The following PLOD2 variants were observed in gnomAD, a reference collection of about 807,000 sequenced individuals.
PLOD2 encodes the protein procollagen-lysine,2-oxoglutarate 5-dioxygenase 2.
Under a neutral mutation model 101.0 loss-of-function variants are expected in PLOD2, and 65 were observed. The ratio of observed to expected loss-of-function variants is 0.64; its 90% confidence interval spans 0.53 to 0.79. The LOEUF is 0.79. PLOD2 is among the 30% of genes least tolerant of loss of function. PLOD2 has a pLI of 0.00. For missense variants in PLOD2, 909 were observed against 914.6 expected (o/e 0.99, Z 0.08); for synonymous variants, 314 against 302.9 (o/e 1.04, Z -0.38).
chr3:146,135,304 G>A (rs2031168222), intron 1 of PLOD2, among the ~76,000 whole-genome samples: 1 of 152,118 alleles, frequency 6.6e-6, no homozygotes, highest in South Asian at 2.1e-4. Context: ...CTAGAAAATT[G>A]AATCTGTATA....
chr3:146,076,807 A>G lies in PLOD2; in HGVS notation c.1652T>C (p.Leu551Pro). 6.4e-7 allele frequency: 1 copy of G among 1,561,896 alleles called. No individual in the cohort carries two copies. Among genetic ancestry groups the G allele is most frequent in the Non-Finnish European group, 8.8e-7 (1 of 1,134,222 alleles). The change falls in exon 15 of 20, where the codon CTC becomes CCC. Residue 551 changes from leucine to proline, a missense_variant. Coordinates refer to ENST00000282903, the MANE Select transcript of PLOD2 (RefSeq NM_182943.3). Reference sequence around the variant, plus strand: ...CACAGGATTTTCAAAAATCTGCCAGAGGTCATTGTTATAATGGGAAGTATT... The same window carrying G: ...CACAGGATTTTCAAAAATCTGCCAGGGGTCATTGTTATAATGGGAAGTATT... Reference protein sequence around the residue: ...NYNTSHYNNDLWQIFENPVDW... With the variant: ...NYNTSHYNNDPWQIFENPVDW...
intron 4 of PLOD2, among the ~76,000 whole-genome samples, chr3:146,108,285 A>G (rs2108065441): frequency 1.3e-5 from 2 of 151,894 alleles, no homozygotes; most frequent in East Asian, 3.9e-4. Context: ...GGCTCAAACA[A>G]TCTCCTCACC....
Position 146,114,725 on chromosome 3 carries a change from G to A in PLOD2, c.339-4277C>T, listed in dbSNP as rs1036614905. Among the ~76,000 whole-genome samples the A allele has an allele frequency of 2.0e-5, 3 of 152,094 alleles. No individual in the cohort carries two copies. The East Asian group carries it at 5.8e-4, about 29-fold the overall frequency. ...AAAGTAGAGGTAGCTACTGGAGAAC[G>A]TGCTCCACCAAATTAAGGGAATAAA... is the stretch of plus-strand genomic sequence containing the variant. On this transcript the variant is annotated intron_variant, in intron 3 of 19. Coordinates refer to ENST00000282903, the MANE Select transcript of PLOD2 (RefSeq NM_182943.3).
At chr3:146,124,401 G>A (rs2030416519) in intron 1 of PLOD2, among the ~76,000 whole-genome samples, 172 bp from the exon 2 acceptor site, 1 of 152,090 alleles carries the variant, frequency 6.6e-6, no homozygotes, top group Admixed American at 6.6e-5. Context: ...CAAATTGGTT[G>A]TATTACTGCC....
Position 146,079,220 on chromosome 3 carries a change from A to C in PLOD2, c.1396T>G (p.Leu466Val), listed in dbSNP as rs752006835. 1 of 1,609,334 alleles carries C rather than the reference A, an allele frequency of 6.2e-7. No homozygotes were observed. The highest frequency in any genetic ancestry group is 1.7e-5 in the Admixed American group (1 of 59,934). Residue 466 changes from leucine to valine, a missense_variant, in exon 13 of 20, where the codon TTA becomes GTA. Coordinates refer to ENST00000282903, the MANE Select transcript of PLOD2 (RefSeq NM_182943.3). ...GATCGGAGTGTCTTTCCTTTAATTA[A>C]GTACACATTAGCCATATATGGGACA... ...WNVPYMANVY[L>V]IKGKTLRSEM...
chr3:146,090,005 AAGTTC>A (rs1936921605), intron 8 of PLOD2, among the ~76,000 whole-genome samples: 1 of 151,524 alleles, frequency 6.6e-6, no homozygotes, highest in African/African-American at 2.4e-5. Flanking sequence ...TTATTAACCT[AAGTTC>A]ATGTTTATAT....
At chr3:146,125,968 T>C (rs2030536892) in intron 1 of PLOD2, among the ~76,000 whole-genome samples, 2 of 152,170 alleles carry the variant, frequency 1.3e-5, no homozygotes, top group African/African-American at 2.4e-5. Context: ...ATATAAATCA[T>C]AAGAATTAAC....
chr3:146,080,898 A>G (rs1237549901), intron 12 of PLOD2, among the ~76,000 whole-genome samples: 1 of 152,082 alleles, frequency 6.6e-6, no homozygotes, highest in East Asian at 1.9e-4. Flanking sequence ...ACCAATTACT[A>G]TTTCCACAAG....
chr3:146,115,316 A>G (rs549224603), intron 3 of PLOD2, among the ~76,000 whole-genome samples: 6 of 152,314 alleles, frequency 3.9e-5, no homozygotes, highest in South Asian at 2.1e-4. Flanking sequence ...TGAAAAAACC[A>G]TAAGATTCTA....
intron 17 of PLOD2, 82 bp from the exon 18 acceptor site, chr3:146,071,505 G>T: frequency 1.6e-6 from 2 of 1,240,076 alleles, no homozygotes; most frequent in South Asian, 1.2e-5. Flanking sequence ...TTCAACCACA[G>T]ATCATAATAG....
chr3:146,144,700 A>G (rs1478716583), intron 1 of PLOD2, among the ~76,000 whole-genome samples: 1 of 152,114 alleles, frequency 6.6e-6, no homozygotes, highest in East Asian at 1.9e-4. Context: ...AATGTTACTT[A>G]AAAATCATGG....
At chr3:146,133,378 AATAC>A (rs1468762704) in intron 1 of PLOD2, among the ~76,000 whole-genome samples, 4 of 152,172 alleles carry the variant, frequency 2.6e-5, no homozygotes, top group Non-Finnish European at 5.9e-5. Flanking sequence ...GAAAGTCATT[AATAC>A]ATACATATGA....
chr3:146,149,702 C>G (rs2031967470), intron 1 of PLOD2, among the ~76,000 whole-genome samples: 1 of 152,138 alleles, frequency 6.6e-6, no homozygotes, highest in African/African-American at 2.4e-5. Flanking sequence ...AAAGACTCAG[C>G]TACTGGTATT....
intron 1 of PLOD2, among the ~76,000 whole-genome samples, chr3:146,145,786 C>T (rs531464451): frequency 8.2e-6 from 1 of 122,320 alleles, no homozygotes; most frequent in Non-Finnish European, 1.7e-5. Flanking sequence ...TATCAAAATC[C>T]AGAAGCTGTG....
At chr3:146,097,809 T>TA (rs1241419413) in intron 7 of PLOD2, among the ~76,000 whole-genome samples, 8 of 94,606 alleles carry the variant, frequency 8.5e-5, no homozygotes, top group East Asian at 6.9e-4. Context: ...AAAAAAATAA[T>TA]AATAATAATA....
chr3:146,086,739 T>C, intron 10 of PLOD2, 48 bp downstream of exon 10: 1 of 1,249,928 alleles, frequency 8.0e-7, no homozygotes, highest in Non-Finnish European at 1.1e-6. Flanking sequence ...TTTCTTAACG[T>C]TTCCTTAGTA....
chr3:146,147,307 T>TC (rs1374238884), intron 1 of PLOD2, among the ~76,000 whole-genome samples: 1 of 152,182 alleles, frequency 6.6e-6, no homozygotes, highest in Non-Finnish European at 1.5e-5. Flanking sequence ...GGAAATATAA[T>TC]CCCCCCTCCT....
chr3:146,106,176 T>C (rs1937531874), intron 5 of PLOD2, among the ~76,000 whole-genome samples: 1 of 152,142 alleles, frequency 6.6e-6, no homozygotes, highest in African/African-American at 2.4e-5. Context: ...GCCATGACAG[T>C]GGTGTGAGGG....
intron 1 of PLOD2, among the ~76,000 whole-genome samples, chr3:146,131,781 G>A (rs1485023465): frequency 6.6e-6 from 1 of 152,128 alleles, no homozygotes; most frequent in Admixed American, 6.5e-5. Flanking sequence ...GTTAAGTACT[G>A]AGTCACCAAA....
Sources: gnomAD v4.1 joint callset for allele counts (sites outside exome capture counted in the v4.1 genomes callset) on GRCh38, gnomAD v4.1.1 for gene constraint, MANE v1.5 for transcripts, NCBI Gene and HGNC (gene_info 2026-07-23, HGNC 2026-07-21) for gene names.